Variants in HPGD observed in about 807,000 individuals in gnomAD.
HPGD encodes the protein 15-hydroxyprostaglandin dehydrogenase.
In HPGD, 29 loss-of-function variants were observed where a neutral mutation model predicts 30.0. That is an observed-to-expected ratio of 0.97 (90% confidence interval 0.72 to 1.32). The LOEUF (loss-of-function observed/expected upper bound fraction) is 1.32. HPGD is among the 40% of genes most tolerant of loss of function. The pLI is 0.00. For synonymous variants in HPGD, 99 were observed against 112.4 expected (o/e 0.88, Z 0.75); for missense variants, 340 against 322.1 (o/e 1.06, Z -0.43).
chr4:174,502,964 C>G (rs1456487868), intron 4 of HPGD, among the ~76,000 whole-genome samples: 1 of 152,114 alleles, frequency 6.6e-6, no homozygotes, highest in African/African-American at 2.4e-5. Context: ...TCTGTCCTAT[C>G]GAAATCAGAA....
chr4:174,511,670 A>G (rs780766961), intron 3 of HPGD, among the ~76,000 whole-genome samples: 2 of 152,114 alleles, frequency 1.3e-5, no homozygotes, highest in Admixed American at 6.6e-5. Context: ...TTTTTGAGAC[A>G]GAGTCTCGCT....
intron 4 of HPGD, among the ~76,000 whole-genome samples, chr4:174,500,891 T>C (rs45590734): frequency 0.027 from 4,164 of 152,276 alleles, 192 homozygotes; most frequent in African/African-American, 0.093. Context: ...CAAATAATTA[T>C]TTTATTGACC....
At chr4:174,495,645 AT>A in intron 4 of HPGD, 21 bp from the exon 5 acceptor site, 6 of 1,566,726 alleles carry the variant, frequency 3.8e-6, no homozygotes, top group Non-Finnish European at 5.3e-6. Context: ...CAAATATAAC[AT>A]TTAAATGCTT....
intron 5 of HPGD, 98 bp downstream of exon 5, chr4:174,495,450 C>T: frequency 1.1e-6 from 1 of 927,698 alleles, no homozygotes; most frequent in Non-Finnish European, 1.8e-6. Flanking sequence ...TTCCACCTTT[C>T]ATCCAAGTGA....
rs1456443686 is a variant in HPGD at position 174,490,594 on chromosome 4, T to C, written c.*1362A>G. 1 of 152,324 alleles carries C rather than the reference T, an allele frequency of 6.6e-6. No homozygotes were observed. The highest frequency in any genetic ancestry group is 1.9e-4 in the East Asian group (1 of 5,340). The allele number at this position is 152,324 out of a possible 1,614,324, so 9.4% of individuals were successfully genotyped here. A position where few individuals can be genotyped will look rare whatever the true frequency, so the allele number is the denominator to read the frequency against. ...GTTCATTGATGTTCACTACTTTGTCTTTAATACATTATATGAAAATCTAGA... is the reference window on the plus strand; with the variant it reads ...GTTCATTGATGTTCACTACTTTGTCCTTAATACATTATATGAAAATCTAGA... On this transcript the variant is annotated 3_prime_UTR_variant, in exon 7 of 7. Coordinates refer to ENST00000296522, the MANE Select transcript of HPGD (RefSeq NM_000860.6). This position sits in a 1 kb window ranked among gnomAD's most constrained non-coding sequence, Gnocchi z 4.4.
intron 5 of HPGD, among the ~76,000 whole-genome samples, chr4:174,495,004 T>C (rs1734517930): frequency 6.6e-6 from 1 of 152,156 alleles, no homozygotes; most frequent in African/African-American, 2.4e-5. Flanking sequence ...TTGTGAGTTA[T>C]AAAAAGGCAG....
At chr4:174,513,426 G>A (rs1043604817) in intron 3 of HPGD, among the ~76,000 whole-genome samples, 1 of 151,090 alleles carries the variant, frequency 6.6e-6, no homozygotes, top group Non-Finnish European at 1.5e-5. Context: ...TAATAAGTCA[G>A]GGGTATCCTC....
Position 174,491,806 on chromosome 4 carries a change from A to T in HPGD, c.*150T>A. 1 of 700,458 alleles carries T rather than the reference A, an allele frequency of 1.4e-6. No individual in the cohort carries two copies. Among genetic ancestry groups the T allele is most frequent in the Non-Finnish European group, 2.5e-6 (1 of 401,438 alleles). 43.4% of individuals were successfully genotyped at this position (700,458 alleles called of 1,614,324 possible). ...TTCATAACTTTTTATCCATATACTT[A>T]ACTAAAAATTTAGAAAACGTTTATC... On this transcript the variant is annotated 3_prime_UTR_variant, in exon 7 of 7. Coordinates refer to ENST00000296522, the MANE Select transcript of HPGD (RefSeq NM_000860.6).
At chr4:174,497,263 A>G (rs1734643667) in intron 4 of HPGD, among the ~76,000 whole-genome samples, 1 of 152,194 alleles carries the variant, frequency 6.6e-6, no homozygotes, top group African/African-American at 2.4e-5. Flanking sequence ...GTCAAAGATG[A>G]ATTTGAAATG....
intron 3 of HPGD, among the ~76,000 whole-genome samples, chr4:174,517,207 A>C (rs1735826749): frequency 6.6e-6 from 1 of 152,206 alleles, no homozygotes; most frequent in South Asian, 2.1e-4. Flanking sequence ...TCATGACTTA[A>C]TGGATAAAAG....
intron 4 of HPGD, chr4:174,495,862 A>G (rs745700036): frequency 1.9e-6 from 1 of 532,190 alleles, no homozygotes; most frequent in Non-Finnish European, 3.4e-6. Context: ...GATACAGCCA[A>G]GAGTTATATG....
chr4:174,508,330 A>G, intron 4 of HPGD: 2 of 557,190 alleles, frequency 3.6e-6, no homozygotes, highest in Admixed American at 3.0e-5. Context: ...CTAAAATCAC[A>G]TGGGAGCAGA....
intron 4 of HPGD, chr4:174,508,231 G>A: frequency 1.5e-6 from 1 of 667,956 alleles, no homozygotes; most frequent in Non-Finnish European, 2.8e-6. Context: ...TAAGGAATGT[G>A]CTTATACTAC....
chr4:174,496,216 A>G lies in HPGD; in HGVS notation c.422-592T>C, dbSNP rs1734587088. ...GATGCCTAGATCTTTTTGTCCTATG[A>G]CTTAGGAAGATAGAAATAAACATTT... On this transcript the variant is annotated intron_variant, in intron 4 of 6. Coordinates refer to ENST00000296522, the MANE Select transcript of HPGD (RefSeq NM_000860.6). This position sits in a 1 kb window ranked among gnomAD's most constrained non-coding sequence, Gnocchi z 4.6. Among the ~76,000 whole-genome samples, 3 of 152,202 alleles carry G rather than the reference A, an allele frequency of 2.0e-5. No homozygotes were observed.
intron 4 of HPGD, chr4:174,508,196 T>C: frequency 2.9e-6 from 2 of 686,226 alleles, no homozygotes; most frequent in Non-Finnish European, 2.6e-6. Context: ...GCAACAAGGA[T>C]CTTGCCTCAG....
chr4:174,495,766 G>T, intron 4 of HPGD, 142 bp from the exon 5 acceptor site: 1 of 704,608 alleles, frequency 1.4e-6, no homozygotes, highest in Non-Finnish European at 2.5e-6. Flanking sequence ...AAACCAGATA[G>T]CTTTGTGAAA....
chr4:174,516,345 A>G (rs761526873), intron 3 of HPGD, among the ~76,000 whole-genome samples: 2 of 152,200 alleles, frequency 1.3e-5, no homozygotes, highest in African/African-American at 2.4e-5. Flanking sequence ...AGCAACATGG[A>G]TGCAGCTGGA....
Position 174,517,987 on chromosome 4 carries a change from G to GT in HPGD, c.307dup (p.Thr103AsnfsTer5), listed in dbSNP as rs1164877128. ...ATAACTCACCAAATTAATTTGCAGAGTTTTTTCCCAGTTTTTCTCATTATT... is the reference window on the plus strand; with the variant it reads ...ATAACTCACCAAATTAATTTGCAGAGTTTTTTTCCCAGTTTTTCTCATTATT... On this transcript the variant is annotated frameshift_variant, in exon 3 of 7. Transcript: ENST00000296522. LOFTEE classifies it high-confidence loss of function. The GT allele has an allele frequency of 4.5e-6, 7 of 1,563,848 alleles. No homozygotes were observed. Among genetic ancestry groups the GT allele is most frequent in the African/African-American group, 4.1e-5 (3 of 73,944 alleles).
rs1457651483 is a variant in HPGD, at chr4:174,491,665, A to T, written c.*291T>A. On this transcript the variant is annotated 3_prime_UTR_variant, in exon 7 of 7. Coordinates refer to ENST00000296522, the MANE Select transcript of HPGD (RefSeq NM_000860.6). ...TTAATATTTATGAAGCACAGATATA[A>T]ATACACTTTCTGAAAGGCAGAATAT... 6 of 357,800 alleles carry T rather than the reference A, an allele frequency of 1.7e-5. No individual in the cohort carries two copies. The highest frequency in any genetic ancestry group is 3.1e-5 in the Non-Finnish European group (6 of 190,662). The allele number at this position is 357,800 out of a possible 1,614,324, so 22.2% of individuals were successfully genotyped here. A position where few individuals can be genotyped will look rare whatever the true frequency, so the allele number is the denominator to read the frequency against.
Sources: gnomAD v4.1 joint callset for allele counts (sites outside exome capture counted in the v4.1 genomes callset) on GRCh38, gnomAD v4.1.1 for gene constraint, Gnocchi (gnomAD v3.1) non-coding constraint, MANE v1.5 for transcripts, NCBI Gene and HGNC (gene_info 2026-07-23, HGNC 2026-07-21) for gene names.